MYOF: variants seen among roughly 807,000 people sequenced by gnomAD.
MYOF encodes the protein myoferlin.
MYOF carries 244 observed loss-of-function variants against 284.2 expected under a neutral mutation model. The observed-to-expected ratio is 0.86, with a 90% CI of 0.77 to 0.95. The LOEUF (loss-of-function observed/expected upper bound fraction) is 0.95, where lower values mean the gene tolerates loss of function less well. MYOF is among the 40% of genes least tolerant of loss of function. MYOF has a pLI of 0.00. For synonymous variants in MYOF, 904 were observed against 919.7 expected (o/e 0.98, Z 0.31); for missense variants, 2,496 against 2,560.6 (o/e 0.97, Z 0.54).
At chr10:93,368,952 G>C (rs186627919) in intron 25 of MYOF, among the ~76,000 whole-genome samples, 1 of 152,172 alleles carries the variant, frequency 6.6e-6, no homozygotes, top group African/African-American at 2.4e-5. Context: ...GTTAAAAATA[G>C]CATAAAAAAT....
intron 23 of MYOF, among the ~76,000 whole-genome samples, chr10:93,374,094 G>C (rs2133974865): frequency 6.6e-6 from 1 of 152,210 alleles, no homozygotes; most frequent in African/African-American, 2.4e-5. Flanking sequence ...TCCCACCTAT[G>C]AGTGAGAACA....
chr10:93,474,752 T>C (rs1206949699), intron 1 of MYOF, among the ~76,000 whole-genome samples: 2 of 151,692 alleles, frequency 1.3e-5, no homozygotes, highest in African/African-American at 4.8e-5. Flanking sequence ...AAGCTGATTT[T>C]TTTTTTTTTT....
chr10:93,448,785 A>G (rs1402292492), intron 3 of MYOF, among the ~76,000 whole-genome samples: 1 of 152,228 alleles, frequency 6.6e-6, no homozygotes, highest in East Asian at 1.9e-4. Flanking sequence ...ACTTGAGGTC[A>G]GGAGTTTGAG....
rs1048115758 is a variant in MYOF, at chr10:93,306,620, G to T, written c.*343C>A. Reference sequence around the variant, plus strand: ...ATCACCTCAGGATGCAGAGATTTTTGAATTCTATTTAGCAATTTCCAAAAG... The same window carrying T: ...ATCACCTCAGGATGCAGAGATTTTTTAATTCTATTTAGCAATTTCCAAAAG... On this transcript the variant is annotated 3_prime_UTR_variant, in exon 54 of 54. Transcript: ENST00000359263. 1.2e-5 allele frequency: 3 copies of T among 254,634 alleles called. No homozygotes were observed. Among genetic ancestry groups the T allele is most frequent in the Non-Finnish European group, 2.2e-5 (3 of 135,784 alleles). 15.8% of individuals were successfully genotyped at this position (254,634 alleles called of 1,614,324 possible).
At chr10:93,307,191 C>CCCA (rs1364845820) in intron 53 of MYOF, among the ~76,000 whole-genome samples, 190 bp from the exon 54 acceptor site, 2 of 119,780 alleles carry the variant, frequency 1.7e-5, no homozygotes, top group South Asian at 2.3e-4. Flanking sequence ...CAGTAGCACC[C>CCCA]CCCCGCCAAG....
intron 48 of MYOF, among the ~76,000 whole-genome samples, chr10:93,320,257 A>G (rs973325545): frequency 2.6e-5 from 4 of 152,232 alleles, no homozygotes; most frequent in Non-Finnish European, 5.9e-5. Context: ...TTTAGACTTC[A>G]GTTAACAGGG....
chr10:93,418,193 G>A (rs1173539648), intron 5 of MYOF, among the ~76,000 whole-genome samples: 1 of 152,124 alleles, frequency 6.6e-6, no homozygotes, highest in East Asian at 1.9e-4. Flanking sequence ...TGAGCCAAAG[G>A]TCATTGCCCA....
chr10:93,325,902 A>T lies in MYOF; in HGVS notation c.5195T>A (p.Leu1732His). ...CTCAGGGACCAGCCCCTGAGTCCTG[A>T]GGATGTGAAGAGCAAGCCGCTCTTC... ...APEERLALHI[L>H]RTQGLVPEHV... The change falls in exon 46 of 54, where the codon CTC becomes CAC. Residue 1732 changes from leucine to histidine, a missense_variant. By Grantham distance (99) the Leu-to-His change is moderately conservative. Around this residue, in one of 3 missense-constraint regions of MYOF, gnomAD observed 2,436 missense variants for 2,480.7 expected, o/e 0.98. Transcript: ENST00000359263. 6.2e-7 allele frequency: 1 copy of T among 1,614,038 alleles called. No individual in the cohort carries two copies. The highest frequency in any genetic ancestry group is 8.5e-7 in the Non-Finnish European group (1 of 1,180,014).
intron 3 of MYOF, among the ~76,000 whole-genome samples, chr10:93,444,488 T>G (rs2056370681): frequency 6.6e-6 from 1 of 152,200 alleles, no homozygotes; most frequent in South Asian, 2.1e-4. Context: ...TAGCATGTAT[T>G]TGCTCACACA....
chr10:93,474,059 T>C (rs1247839886), intron 1 of MYOF, among the ~76,000 whole-genome samples: 2 of 152,166 alleles, frequency 1.3e-5, no homozygotes, highest in Non-Finnish European at 2.9e-5. Flanking sequence ...CACAGTACAG[T>C]GTGAGGAAGG....
At position 93,412,371 on chromosome 10, in the gene MYOF, G is replaced by C. The variant is rs541711333; in HGVS notation, c.434-2632C>G. On this transcript the variant is annotated intron_variant, in intron 5 of 53. Transcript: ENST00000359263. ...TCTGGACCTCCTCTTGCCTATTCTT[G>C]AAGAGACTTCAAAAGAAGGGCTTAC... 7.9e-5 allele frequency among the ~76,000 whole-genome samples: 12 copies of C among 152,228 alleles called. No homozygotes were observed. The South Asian group carries it at 2.3e-3, about 29-fold the overall frequency.
Position 93,461,810 on chromosome 10 carries a change from G to A in MYOF, c.89-4873C>T, listed in dbSNP as rs541179123. 2.2e-3 allele frequency among the ~76,000 whole-genome samples: 342 copies of A among 152,174 alleles called. 4 individuals carry two copies. Among genetic ancestry groups the A allele is most frequent in the South Asian group, 0.013 (63 of 4,816 alleles). ...CTGATATAAGTACTTAAAGGAGGAG[G>A]GTATTAGAAACTGGATTTTATAACT... On this transcript the variant is annotated intron_variant, in intron 1 of 53. Transcript: ENST00000359263.
intron 51 of MYOF, among the ~76,000 whole-genome samples, chr10:93,311,002 T>TGG (rs748117123): frequency 1.2e-3 from 178 of 152,324 alleles, no homozygotes; most frequent in East Asian, 4.4e-3. Context: ...TAACATTTAT[T>TGG]GAGCATTATT....
Position 93,333,902 on chromosome 10 carries a change from C to G in MYOF, c.4575G>C (p.Arg1525=). The change falls in exon 42 of 54, where the codon CGG becomes CGC. Residue 1525 remains arginine (R), a synonymous_variant. Transcript: ENST00000359263. ...SVVGEFKGSF[R]IYPLPDDPSV... Reference sequence around the variant, plus strand: ...TGGGGTCATCCGGCAGAGGGTAGATCCGAAAGGAGCCCTAAAAGAGAGAGA... The same window carrying G: ...TGGGGTCATCCGGCAGAGGGTAGATGCGAAAGGAGCCCTAAAAGAGAGAGA... The G allele has an allele frequency of 6.2e-7, 1 of 1,613,872 alleles. No individual in the cohort carries two copies. Among genetic ancestry groups the G allele is most frequent in the Non-Finnish European group, 8.5e-7 (1 of 1,179,930 alleles).
intron 37 of MYOF, among the ~76,000 whole-genome samples, chr10:93,345,230 A>G (rs955159611): frequency 6.6e-6 from 1 of 152,228 alleles, no homozygotes; most frequent in African/African-American, 2.4e-5. Context: ...CACTTTACTT[A>G]CATGACCTCA....
At chr10:93,438,787 CG>C (rs746368221) in intron 3 of MYOF, among the ~76,000 whole-genome samples, 2 of 152,140 alleles carry the variant, frequency 1.3e-5, no homozygotes, top group East Asian at 3.9e-4. Flanking sequence ...TTGAGAACCA[CG>C]CATCGAAGTC....
At position 93,416,441 on chromosome 10, in the gene MYOF, T is replaced by C. The variant is rs1393325992; in HGVS notation, c.434-6702A>G. 3.9e-5 allele frequency among the ~76,000 whole-genome samples: 6 copies of C among 152,072 alleles called. No homozygotes were observed. In the East Asian group the frequency reaches 1.2e-3, roughly 30 times the overall value. On this transcript the variant is annotated intron_variant, in intron 5 of 53. Coordinates refer to ENST00000359263, the MANE Select transcript of MYOF (RefSeq NM_013451.4). The stretch of plus-strand genomic sequence containing the variant: ...CGGGAGGCTGAGGCAGGAGAATCAC[T>C]TGAGCCCAGAGGCAGAGGTTGCAGT...
chr10:93,462,404 C>T (rs748394624), intron 1 of MYOF, among the ~76,000 whole-genome samples: 1 of 152,072 alleles, frequency 6.6e-6, no homozygotes, highest in African/African-American at 2.4e-5. Context: ...TTCATTGAAT[C>T]CTCCTGGCAA....
At chr10:93,379,287 G>A (rs1020513242) in intron 21 of MYOF, among the ~76,000 whole-genome samples, 2 of 152,000 alleles carry the variant, frequency 1.3e-5, no homozygotes, top group African/African-American at 4.8e-5. Flanking sequence ...ATTGCTATTG[G>A]AATGAACCAT....
Sources: allele counts gnomAD v4.1 joint callset (sites outside exome capture counted in the v4.1 genomes callset), GRCh38; gene constraint gnomAD v4.1.1; regional missense constraint gnomAD v4.1.1; transcripts MANE v1.5; gene names NCBI Gene and HGNC (gene_info 2026-07-23, HGNC 2026-07-21).